SLC8A1: variants seen among roughly 807,000 people sequenced by gnomAD.
SLC8A1 encodes the protein solute carrier family 8 member A1, also known as sodium/calcium exchanger 1.
In SLC8A1, 18 loss-of-function variants were observed where a neutral mutation model predicts 68.3. That is an observed-to-expected ratio of 0.26 (90% CI 0.18 to 0.39). SLC8A1 has a LOEUF of 0.39. Among genes scored for constraint, SLC8A1 ranks in the 10% least tolerant of loss-of-function variants. The pLI is 1.00. For synonymous variants in SLC8A1, 475 were observed against 415.5 expected, an observed-to-expected ratio of 1.14 and a Z score of -1.74; for missense variants, 985 against 1,156.7, an observed-to-expected ratio of 0.85 and a Z score of 2.15.
chr2:40,312,316 A>C (rs1448234519), intron 2 of SLC8A1, among the ~76,000 whole-genome samples: 1 of 152,116 alleles, frequency 6.6e-6, no homozygotes, highest in Non-Finnish European at 1.5e-5. Flanking sequence ...CCAATAAAAC[A>C]AACTACCAGG....
At chr2:40,485,271 A>C (rs1219718263) in intron 1 of SLC8A1, among the ~76,000 whole-genome samples, 1 of 152,128 alleles carries the variant, frequency 6.6e-6, no homozygotes, top group Admixed American at 6.5e-5. Flanking sequence ...TCTGCTTTCT[A>C]AATTGGAACT....
At chr2:40,181,550 T>C (rs1012362790) in intron 2 of SLC8A1, among the ~76,000 whole-genome samples, 1 of 152,210 alleles carries the variant, frequency 6.6e-6, no homozygotes, top group Non-Finnish European at 1.5e-5. Context: ...GAATCAATAA[T>C]GCTCCTGACA....
chr2:40,123,779 C>G (rs1166470207), intron 7 of SLC8A1, among the ~76,000 whole-genome samples: 1 of 152,156 alleles, frequency 6.6e-6, no homozygotes, highest in East Asian at 1.9e-4. Context: ...AGGAAAAAAG[C>G]AAGGGCAAAT....
Position 40,234,118 on chromosome 2 carries a change from T to A in SLC8A1, c.1809-56263A>T, listed in dbSNP as rs552777978. ...GTTCCATATGAACTTTAAAGTACTTTTTTCCAATTCTGTGAAGAGAGGCAT... is the reference window on the plus strand; with the variant it reads ...GTTCCATATGAACTTTAAAGTACTTATTTCCAATTCTGTGAAGAGAGGCAT... On this transcript the variant is annotated intron_variant, in intron 2 of 7. Transcript: ENST00000406785. 5.9e-5 allele frequency among the ~76,000 whole-genome samples: 9 copies of A among 152,340 alleles called. No individual in the cohort carries two copies. The South Asian group carries it at 1.9e-3, about 32-fold the overall frequency.
chr2:40,267,069 A>G lies in SLC8A1; in HGVS notation c.1809-89214T>C, dbSNP rs147397048. Among the ~76,000 whole-genome samples the G allele has an allele frequency of 4.1e-4, 63 of 152,310 alleles. 1 individual carries two copies. The East Asian group carries it at 0.011, about 27-fold the overall frequency. On this transcript the variant is annotated intron_variant, in intron 2 of 7. Coordinates refer to ENST00000406785, the Ensembl canonical transcript of SLC8A1. ...GCCCAGTTTATTAAGTTTCTTGGGC[A>G]AAAGAGTAGGCAAAGCTGTTCTAAA...
At chr2:40,311,130 C>A (rs191849682) in intron 2 of SLC8A1, among the ~76,000 whole-genome samples, 3 of 151,968 alleles carry the variant, frequency 2.0e-5, no homozygotes, top group African/African-American at 7.2e-5. Context: ...GGTTTAAGAA[C>A]TGAAAGAAAT....
At chr2:40,422,533 A>C (rs1189530461) in intron 2 of SLC8A1, among the ~76,000 whole-genome samples, 2 of 152,138 alleles carry the variant, frequency 1.3e-5, no homozygotes, top group Admixed American at 1.3e-4. Context: ...AAAGAAAGCA[A>C]AGAAAACCTC....
intron 2 of SLC8A1, among the ~76,000 whole-genome samples, chr2:40,387,279 T>TAGATCACC (rs1443279033): frequency 2.0e-5 from 3 of 151,426 alleles, no homozygotes; most frequent in Non-Finnish European, 4.4e-5. Flanking sequence ...GCTGCAAGTA[T>TAGATCACC]AGATCACCAC....
chr2:40,475,341 G>C (rs1383717426), intron 1 of SLC8A1, among the ~76,000 whole-genome samples: 3 of 151,910 alleles, frequency 2.0e-5, no homozygotes, highest in African/African-American at 7.3e-5. Context: ...CACCGTGTTA[G>C]CCAGGATGGT....
chr2:40,418,880 A>G (rs528291244), intron 2 of SLC8A1, among the ~76,000 whole-genome samples: 2 of 152,240 alleles, frequency 1.3e-5, no homozygotes, highest in Admixed American at 6.5e-5. Context: ...AAAAGCAGGC[A>G]CAGGGGGTAG....
intron 2 of SLC8A1, among the ~76,000 whole-genome samples, chr2:40,223,919 T>G (rs1015051344): frequency 6.6e-6 from 1 of 152,054 alleles, no homozygotes; most frequent in Non-Finnish European, 1.5e-5. Flanking sequence ...AGCAAGAGGT[T>G]TGCCCCATTT....
chr2:40,179,034 A>G (rs1483508554), intron 2 of SLC8A1, among the ~76,000 whole-genome samples: 2 of 114,204 alleles, frequency 1.8e-5, no homozygotes, highest in South Asian at 2.7e-4. Flanking sequence ...GAATAAAAAT[A>G]TCACAAAGAA....
At chr2:40,156,456 A>G (rs1433993473) in intron 6 of SLC8A1, among the ~76,000 whole-genome samples, 1 of 151,170 alleles carries the variant, frequency 6.6e-6, no homozygotes, top group Non-Finnish European at 1.5e-5. Flanking sequence ...CAAAAGTAAA[A>G]CAATTTCAGG....
At chr2:40,230,973 G>A (rs998678062) in intron 2 of SLC8A1, among the ~76,000 whole-genome samples, 3 of 152,174 alleles carry the variant, frequency 2.0e-5, no homozygotes, top group African/African-American at 7.2e-5. Flanking sequence ...CAAGTGTCCA[G>A]ACTTTATCAT....
chr2:40,316,768 C>A (rs1279111861), intron 2 of SLC8A1, among the ~76,000 whole-genome samples: 1 of 151,940 alleles, frequency 6.6e-6, no homozygotes, highest in East Asian at 1.9e-4. Flanking sequence ...CCTCCCTCCC[C>A]CAATTTGTGT....
At chr2:40,328,761 CCAGTGACTT>C (rs1222735924) in intron 2 of SLC8A1, among the ~76,000 whole-genome samples, 1 of 152,042 alleles carries the variant, frequency 6.6e-6, no homozygotes, top group Non-Finnish European at 1.5e-5. Context: ...TCCCAGCTTC[CCAGTGACTT>C]CCAATTTCCT....
chr2:40,237,678 G>A (rs373328390), intron 2 of SLC8A1, among the ~76,000 whole-genome samples: 20 of 152,058 alleles, frequency 1.3e-4, no homozygotes, highest in East Asian at 9.7e-4. Context: ...GAGGAGAGGC[G>A]CTCTGCTTTT....
intron 2 of SLC8A1, among the ~76,000 whole-genome samples, chr2:40,297,052 T>C (rs913604164): frequency 6.6e-6 from 1 of 152,106 alleles, no homozygotes; most frequent in Non-Finnish European, 1.5e-5. Context: ...TTCTTACATG[T>C]CTTGGTGAAC....
In SLC8A1 at chr2:40,271,937, G is replaced by T. The variant is rs528580795; in HGVS notation, c.1809-94082C>A. On this transcript the variant is annotated intron_variant, in intron 2 of 7. Coordinates refer to ENST00000406785, the Ensembl canonical transcript of SLC8A1. ...GCTGGAATGCAGTGGAACCGTCATA[G>T]CTCACTGCAGCCTCGATGTCTTGGG... Among the ~76,000 whole-genome samples, 75 of 152,124 alleles carry T rather than the reference G, an allele frequency of 4.9e-4. 1 individual carries two copies. Among genetic ancestry groups the T allele is most frequent in the African/African-American group, 1.8e-3 (73 of 41,510 alleles).
Sources: gnomAD v4.1 joint callset for allele counts (sites outside exome capture counted in the v4.1 genomes callset) on GRCh38, gnomAD v4.1.1 for gene constraint, MANE v1.5 for transcripts, NCBI Gene and HGNC (gene_info 2026-07-23, HGNC 2026-07-21) for gene names.